Variants in DOCK1 observed in about 807,000 individuals in gnomAD.
The protein encoded by DOCK1 is dedicator of cytokinesis protein 1.
DOCK1 carries 138 observed loss-of-function variants against 262.7 expected under a neutral mutation model. The ratio of observed to expected loss-of-function variants is 0.53; its 90% CI spans 0.46 to 0.61. The LOEUF (loss-of-function observed/expected upper bound fraction) is 0.61. Among genes scored for constraint, DOCK1 ranks in the 20% least tolerant of loss-of-function variants. The probability of loss-of-function intolerance (pLI) is 0.00; values close to 1 mark genes in which losing one functional copy is unlikely to be tolerated. For missense variants in DOCK1, 1,908 were observed against 2,370.7 expected (o/e 0.80, Z 4.05); for synonymous variants, 866 against 867.4 (o/e 1.00, Z 0.03).
chr10:127,221,785 A>G (rs1465763790), intron 27 of DOCK1, among the ~76,000 whole-genome samples: 2 of 152,198 alleles, frequency 1.3e-5, no homozygotes, highest in African/African-American at 2.4e-5. Flanking sequence ...GAGCTCTTGT[A>G]TGAAGCTGGC....
chr10:126,926,833 T>TCCA (rs150363206), intron 1 of DOCK1, among the ~76,000 whole-genome samples: 2,614 of 151,980 alleles, frequency 0.017, 75 homozygotes, highest in African/African-American at 0.06. Context: ...CCCCAGAGGG[T>TCCA]TTGGAGGGAG....
intron 27 of DOCK1, among the ~76,000 whole-genome samples, chr10:127,143,122 AGTTTCTTTAGCAAGCT>A (rs545702924): frequency 4.1e-4 from 62 of 152,196 alleles, no homozygotes; most frequent in Non-Finnish European, 7.8e-4. Context: ...GCCCTGCCAC[AGTTTCTTTAGCAAGCT>A]GTCACTGAAT....
intron 1 of DOCK1, among the ~76,000 whole-genome samples, chr10:126,922,119 G>A (rs1016273812): frequency 6.6e-6 from 1 of 151,234 alleles, no homozygotes; most frequent in African/African-American, 2.4e-5. Flanking sequence ...GGCTGAGGTG[G>A]GAGGATTATG....
rs754330147 is a variant in DOCK1, at chr10:127,409,521, C to T, written c.4343+130C>T. ...TCGCTTTCCAAATGCTCTTTCTGTCCTCTTTGAAGAGCAAGGGAAGCTAAT... is the reference window on the plus strand; with the variant it reads ...TCGCTTTCCAAATGCTCTTTCTGTCTTCTTTGAAGAGCAAGGGAAGCTAAT... On this transcript the variant is annotated intron_variant, in intron 42 of 51. Transcript: ENST00000623213. 3.1e-5 allele frequency: 29 copies of T among 932,978 alleles called. No individual in the cohort carries two copies. The South Asian group carries it at 3.5e-4, about 11-fold the overall frequency. 57.8% of individuals were successfully genotyped at this position (932,978 alleles called of 1,614,324 possible).
chr10:127,233,932 A>G (rs780354083), intron 27 of DOCK1, among the ~76,000 whole-genome samples: 47 of 152,198 alleles, frequency 3.1e-4, no homozygotes, highest in Non-Finnish European at 5.3e-4. Flanking sequence ...CAATAATAGA[A>G]CTCTTGTTTT....
chr10:127,432,333 C>G (rs986906406), intron 47 of DOCK1, among the ~76,000 whole-genome samples: 2 of 151,792 alleles, frequency 1.3e-5, no homozygotes, highest in African/African-American at 4.8e-5. Context: ...TTAATCTTAC[C>G]TGTAATCTAC....
intron 27 of DOCK1, among the ~76,000 whole-genome samples, chr10:127,211,515 T>A (rs2057973757): frequency 6.6e-6 from 1 of 152,236 alleles, no homozygotes; most frequent in African/African-American, 2.4e-5. Context: ...GAGGACCTGC[T>A]GTTTCACAGA....
intron 27 of DOCK1, among the ~76,000 whole-genome samples, chr10:127,169,311 G>A (rs920659086): frequency 1.2e-4 from 19 of 152,104 alleles, no homozygotes; most frequent in Non-Finnish European, 2.2e-4. Flanking sequence ...GGCTGGGCCC[G>A]AATTCCTTTG....
chr10:126,937,242 A>G (rs1045605067), intron 1 of DOCK1, among the ~76,000 whole-genome samples: 17 of 152,264 alleles, frequency 1.1e-4, no homozygotes, highest in African/African-American at 3.9e-4. Context: ...TTGCCAACGG[A>G]TACTTGGGTT....
intron 10 of DOCK1, among the ~76,000 whole-genome samples, chr10:127,003,210 GTGAACCTGTGTGAACCTTTA>G (rs1206276612): frequency 4.5e-4 from 55 of 122,510 alleles, no homozygotes; most frequent in African/African-American, 1.4e-3. Flanking sequence ...ATGAACCTGC[GTGAACCTGTGTGAACCTTTA>G]TGAACCTGTG....
chr10:126,910,178 G>A (rs1380440428), intron 1 of DOCK1, among the ~76,000 whole-genome samples: 1 of 152,234 alleles, frequency 6.6e-6, no homozygotes, highest in African/African-American at 2.4e-5. Flanking sequence ...CACTGGAATT[G>A]CAGCAAAACC....
chr10:127,076,172 C>A (rs1317660854), intron 23 of DOCK1, among the ~76,000 whole-genome samples: 1 of 152,136 alleles, frequency 6.6e-6, no homozygotes, highest in Non-Finnish European at 1.5e-5. Flanking sequence ...GCAAGTGACA[C>A]CAAAACCTCA....
At chr10:127,153,982 G>C in intron 27 of DOCK1, 2 of 1,244,142 alleles carry the variant, frequency 1.6e-6, no homozygotes, top group South Asian at 2.4e-5. Flanking sequence ...TGGCTTTATA[G>C]AGCAGATGCC....
intron 27 of DOCK1, 87 bp downstream of exon 27, chr10:127,127,851 C>T (rs1289385938): frequency 1.4e-5 from 16 of 1,161,276 alleles, no homozygotes; most frequent in Middle Eastern, 2.0e-4. Flanking sequence ...GCTTATTATA[C>T]TGCAATGTAG....
At chr10:127,115,738 A>T (rs995768032) in intron 25 of DOCK1, among the ~76,000 whole-genome samples, 1 of 152,244 alleles carries the variant, frequency 6.6e-6, no homozygotes, top group Non-Finnish European at 1.5e-5. Flanking sequence ...GTTAGTAAAG[A>T]GCATTGGCTA....
chr10:126,997,457 A>G (rs748088659), intron 7 of DOCK1, among the ~76,000 whole-genome samples: 1 of 151,474 alleles, frequency 6.6e-6, no homozygotes, highest in Non-Finnish European at 1.5e-5. Context: ...GTGGGAGCCA[A>G]CACTTCACAT....
chr10:126,949,436 T>C (rs1164481308), intron 1 of DOCK1, among the ~76,000 whole-genome samples: 1 of 152,142 alleles, frequency 6.6e-6, no homozygotes, highest in African/African-American at 2.4e-5. Flanking sequence ...CTACCAACTA[T>C]ACATGGCAGT....
At position 127,362,049 on chromosome 10, in the gene DOCK1, C is replaced by A; in HGVS notation, c.3284-15C>A. ...TTTTTCTTTATTTCTGAATATTGTACCTCTTTTTTCCAAGGTCAACACAAG... is the reference window on the plus strand; with the variant it reads ...TTTTTCTTTATTTCTGAATATTGTAACTCTTTTTTCCAAGGTCAACACAAG... On this transcript the variant is annotated splice_polypyrimidine_tract_variant and intron_variant, in intron 32 of 51. Transcript: ENST00000623213. 2 of 1,596,222 alleles carry A rather than the reference C, an allele frequency of 1.3e-6. No homozygotes were observed. The highest frequency in any genetic ancestry group is 1.7e-6 in the Non-Finnish European group (2 of 1,172,438).
At chr10:126,975,850 C>T (rs1311710852) in intron 2 of DOCK1, among the ~76,000 whole-genome samples, 1 of 151,908 alleles carries the variant, frequency 6.6e-6, no homozygotes, top group Non-Finnish European at 1.5e-5. Flanking sequence ...AACTCCAGAC[C>T]TCAAGTTATC....
Sources: gnomAD v4.1 joint callset for allele counts (sites outside exome capture counted in the v4.1 genomes callset) on GRCh38, gnomAD v4.1.1 for gene constraint, MANE v1.5 for transcripts, NCBI Gene and HGNC (gene_info 2026-07-23, HGNC 2026-07-21) for gene names.